Variants in ADGRL2 observed in about 807,000 individuals in gnomAD.
ADGRL2 encodes the protein adhesion G protein-coupled receptor L2, also known as calcium-independent alpha-latrotoxin receptor 2.
Under a neutral mutation model 157.4 loss-of-function variants are expected in ADGRL2, and 44 were observed. That is an observed-to-expected ratio of 0.28 (90% CI 0.22 to 0.36). The LOEUF is 0.36. Among genes scored for constraint, ADGRL2 ranks in the 10% least tolerant of loss-of-function variants. The pLI is 1.00. For missense variants in ADGRL2, 1,510 were observed against 1,768.9 expected, an observed-to-expected ratio of 0.85 and a Z score of 2.63; for synonymous variants, 585 against 624.7, an observed-to-expected ratio of 0.94 and a Z score of 0.95.
chr1:81,708,196 C>T (rs668587), intron 1 of ADGRL2, among the ~76,000 whole-genome samples: 96,561 of 151,996 alleles, frequency 0.64, 31,113 homozygotes, highest in Non-Finnish European at 0.66. Context: ...TTGCCTTGCA[C>T]GGTTGTTGGT....
chr1:81,903,788 T>TTA (rs1193451119), intron 2 of ADGRL2, among the ~76,000 whole-genome samples: 36 of 139,420 alleles, frequency 2.6e-4, no homozygotes, highest in East Asian at 1.3e-3. Flanking sequence ...TATATACACA[T>TTA]TATATATATA....
intron 2 of ADGRL2, among the ~76,000 whole-genome samples, chr1:81,888,527 C>G (rs2094181767): frequency 6.6e-6 from 1 of 152,138 alleles, no homozygotes; most frequent in African/African-American, 2.4e-5. Context: ...CAAGCTCTGC[C>G]TCCTGGGTTC....
chr1:81,326,680 A>G (rs1359174190), intron 1 of ADGRL2, among the ~76,000 whole-genome samples: 1 of 152,216 alleles, frequency 6.6e-6, no homozygotes, highest in African/African-American at 2.4e-5. Context: ...GATGTGAACA[A>G]CAAGAAGTGA....
chr1:81,593,909 G>T (rs916554670), intron 3 of ADGRL2, among the ~76,000 whole-genome samples: 1 of 152,136 alleles, frequency 6.6e-6, no homozygotes, highest in African/African-American at 2.4e-5. Context: ...TGCGAAGTTT[G>T]TTGGCATGGC....
intron 1 of ADGRL2, among the ~76,000 whole-genome samples, chr1:81,801,579 C>A (rs1461270308): frequency 1.3e-5 from 2 of 152,222 alleles, no homozygotes; most frequent in Non-Finnish European, 2.9e-5. Context: ...CTCCTTGCTT[C>A]CCCGAGCCCG....
intron 1 of ADGRL2, among the ~76,000 whole-genome samples, chr1:81,440,803 C>T (rs1032687861): frequency 1.3e-5 from 2 of 152,180 alleles, no homozygotes; most frequent in African/African-American, 2.4e-5. Context: ...CCTTACTGCA[C>T]GTCTCAGCAA....
At chr1:81,830,646 T>A (rs938465131) in intron 1 of ADGRL2, among the ~76,000 whole-genome samples, 1 of 152,116 alleles carries the variant, frequency 6.6e-6, no homozygotes, top group Non-Finnish European at 1.5e-5. Flanking sequence ...TAGCTGGGAT[T>A]ACAAGTGCCC....
chr1:81,507,608 A>G (rs2079001491), intron 2 of ADGRL2, among the ~76,000 whole-genome samples: 1 of 152,054 alleles, frequency 6.6e-6, no homozygotes, highest in Non-Finnish European at 1.5e-5. Context: ...GGCTGGTCAT[A>G]CCTCATTTGT....
intron 3 of ADGRL2, among the ~76,000 whole-genome samples, chr1:81,683,962 G>C (rs950690489): frequency 5.9e-5 from 9 of 151,914 alleles, no homozygotes; most frequent in Non-Finnish European, 1.3e-4. Flanking sequence ...GATTACAGGC[G>C]CACGCCACCA....
intron 3 of ADGRL2, among the ~76,000 whole-genome samples, chr1:81,913,659 T>C (rs573472395): frequency 6.6e-6 from 1 of 152,292 alleles, no homozygotes; most frequent in African/African-American, 2.4e-5. Context: ...GGGGAATTGA[T>C]GTCATTATAA....
At chr1:81,864,745 G>A (rs934740777) in intron 2 of ADGRL2, among the ~76,000 whole-genome samples, 14 of 152,026 alleles carry the variant, frequency 9.2e-5, no homozygotes, top group African/African-American at 2.2e-4. Context: ...GCGGATAACC[G>A]GAGATCAGAA....
intron 2 of ADGRL2, among the ~76,000 whole-genome samples, chr1:81,897,286 T>A (rs1412306604): frequency 6.6e-6 from 1 of 151,874 alleles, no homozygotes; most frequent in East Asian, 1.9e-4. Flanking sequence ...AGTGTGAAAG[T>A]CACTTTTTTT....
chr1:81,624,410 A>G (rs531142855), intron 3 of ADGRL2, among the ~76,000 whole-genome samples: 186 of 151,996 alleles, frequency 1.2e-3, no homozygotes, highest in African/African-American at 4.2e-3. Flanking sequence ...GTGAAACCCC[A>G]TCCCTACTAA....
At chr1:81,635,050 T>G (rs949641697) in intron 3 of ADGRL2, among the ~76,000 whole-genome samples, 1 of 152,200 alleles carries the variant, frequency 6.6e-6, no homozygotes, top group Non-Finnish European at 1.5e-5. Flanking sequence ...ACCAGTGAGA[T>G]AGGGGAGAAG....
rs75236946 is a variant in ADGRL2 at position 81,971,956 on chromosome 1, T to C, written c.3021+38T>C. The C allele has an allele frequency of 7.2e-4, 1,010 of 1,403,930 alleles. 11 individuals are homozygous for C. In the East Asian group the frequency reaches 0.019, roughly 26 times the overall value. 87.0% of individuals were successfully genotyped at this position (1,403,930 alleles called of 1,614,324 possible). ...TGTTTTCCCTTGCTTTTTAGCTTGCTGCTTTAGCAGTGCTATTCAAACAAG... is the reference window on the plus strand; with the variant it reads ...TGTTTTCCCTTGCTTTTTAGCTTGCCGCTTTAGCAGTGCTATTCAAACAAG... On this transcript the variant is annotated intron_variant, in intron 17 of 23. Transcript: ENST00000686636.
In ADGRL2 at chr1:81,951,765, T is replaced by TTG. The variant is rs150636423; in HGVS notation, c.1609-176_1609-175dup. Among the ~76,000 whole-genome samples, 1,211 of 151,104 alleles carry TTG rather than the reference T, an allele frequency of 8.0e-3. 11 individuals carry two copies. The highest frequency in any genetic ancestry group is 0.027 in the African/African-American group (1,119 of 41,252). On this transcript the variant is annotated intron_variant, in intron 8 of 23. Transcript: ENST00000686636. The stretch of plus-strand genomic sequence containing the variant: ...TTTCTTTTAAATGCCTGGTTCAGAA[T>TTG]TGTGTGTGTGTGTGTGTTGATAATC...
intron 15 of ADGRL2, 115 bp from the exon 16 acceptor site, chr1:81,970,199 A>C: frequency 2.6e-6 from 2 of 766,162 alleles, no homozygotes; most frequent in South Asian, 3.0e-5. Flanking sequence ...GTTTACTCTG[A>C]ATAATGTATT....
chr1:81,689,224 A>C (rs2083285612), intron 3 of ADGRL2, among the ~76,000 whole-genome samples: 1 of 152,228 alleles, frequency 6.6e-6, no homozygotes, highest in Admixed American at 6.5e-5. Context: ...TTTACACTTT[A>C]AGTTGGCCGA....
chr1:81,425,505 G>C (rs944279831), intron 1 of ADGRL2, among the ~76,000 whole-genome samples: 2 of 152,120 alleles, frequency 1.3e-5, no homozygotes, highest in Non-Finnish European at 2.9e-5. Flanking sequence ...AACCCCACAT[G>C]CCTATGCCTG....
Sources: allele counts gnomAD v4.1 joint callset (sites outside exome capture counted in the v4.1 genomes callset), GRCh38; gene constraint gnomAD v4.1.1; transcripts MANE v1.5; gene names NCBI Gene and HGNC (gene_info 2026-07-23, HGNC 2026-07-21).